The following FAT4 variants were observed in gnomAD, a reference collection of about 807,000 sequenced individuals.
The protein encoded by FAT4 is protocadherin Fat 4.
A neutral mutation model predicts 303.9 loss-of-function variants in FAT4; 84 were observed. The observed-to-expected ratio is 0.28, with a 90% CI of 0.23 to 0.33. The LOEUF (loss-of-function observed/expected upper bound fraction) is 0.33, where lower values mean the gene tolerates loss of function less well. Ranked by LOEUF, FAT4 falls within the 10% of genes least tolerant of loss-of-function variation. The probability of loss-of-function intolerance (pLI) is 1.00; values close to 1 mark genes in which losing one functional copy is unlikely to be tolerated. For missense variants in FAT4, 6,005 were observed against 6,146.8 expected, an observed-to-expected ratio of 0.98 and a Z score of 0.77; for synonymous variants, 2,307 against 2,298.8, an observed-to-expected ratio of 1.00 and a Z score of -0.10.
intron 14 of FAT4, among the ~76,000 whole-genome samples, chr4:125,477,976 T>C (rs1489624291): frequency 1.3e-5 from 2 of 152,144 alleles, no homozygotes; most frequent in Non-Finnish European, 2.9e-5. Flanking sequence ...CAACTACTCT[T>C]AGGTTATTGT....
In FAT4 at chr4:125,415,724, A is replaced by T. The variant is rs1209532626; in HGVS notation, c.6761A>T (p.Asp2254Val). 1 of 1,613,944 alleles carries T rather than the reference A, an allele frequency of 6.2e-7. No homozygotes were observed. Among genetic ancestry groups the T allele is most frequent in the Admixed American group, 1.7e-5 (1 of 59,988 alleles). Residue 2254 changes from aspartate to valine, a missense_variant, in exon 6 of 18, where the codon GAC becomes GTC. By Grantham distance (152) the Asp-to-Val change is radical. Coordinates refer to ENST00000394329, the MANE Select transcript of FAT4 (RefSeq NM_001291303.3). Reference sequence around the variant, plus strand: ...AGCATTGTTCTACTGGATATTAATGACTTTGTTCCTGTATTTGAGCTATCT... The same window carrying T: ...AGCATTGTTCTACTGGATATTAATGTCTTTGTTCCTGTATTTGAGCTATCT... ...TVSIVLLDINDFVPVFELSPY... is the reference protein window; with the variant it reads ...TVSIVLLDINVFVPVFELSPY...
intron 2 of FAT4, among the ~76,000 whole-genome samples, chr4:125,382,592 T>C (rs1733583496): frequency 6.6e-6 from 1 of 152,134 alleles, no homozygotes; most frequent in African/African-American, 2.4e-5. Flanking sequence ...CATACTTCTG[T>C]GGGGCTTCAG....
intron 5 of FAT4, 131 bp from the exon 6 acceptor site, chr4:125,414,753 A>C: frequency 1.6e-6 from 1 of 622,416 alleles, no homozygotes; most frequent in Non-Finnish European, 2.8e-6. Context: ...TCATTTGTTC[A>C]CAGGATTTCC....
At chr4:125,340,697 C>G (rs1731757470) in intron 2 of FAT4, among the ~76,000 whole-genome samples, 1 of 152,278 alleles carries the variant, frequency 6.6e-6, no homozygotes, top group Non-Finnish European at 1.5e-5. Flanking sequence ...TCCAGTTTCA[C>G]TAGTTCTTTG....
At chr4:125,413,604 G>T (rs35327280) in intron 5 of FAT4, among the ~76,000 whole-genome samples, 150,525 of 151,934 alleles carry the variant, frequency 0.99, 74,579 homozygotes, top group East Asian at 1. Flanking sequence ...CAGAATAAGA[G>T]TAAGTGTGGC....
Position 125,487,445 on chromosome 4 carries a change from C to A in FAT4, c.12923C>A (p.Thr4308Asn). 6.2e-7 allele frequency: 1 copy of A among 1,614,068 alleles called. No individual in the cohort carries two copies. Reference sequence around the variant, plus strand: ...TATGTTGCAGACGGCCACTGGCACACTTTTCTAATTGGGAAAAATGGAACA... The same window carrying A: ...TATGTTGCAGACGGCCACTGGCACAATTTTCTAATTGGGAAAAATGGAACA... ...EVYVADGHWH[T>N]FLIGKNGTAT... The change falls in exon 17 of 18, where the codon ACT (threonine) becomes AAT (asparagine). Residue 4308 changes from threonine (T) to asparagine (N), a missense_variant. By Grantham distance (65) the Thr-to-Asn change is moderately conservative. Transcript: ENST00000394329.
chr4:125,450,326 A>G lies in FAT4; in HGVS notation c.9316A>G (p.Ile3106Val), dbSNP rs1726008281. ...TGCAACCATCCCTGAGAGCCATAGC[A>G]TTGGGTCCATTGTCAGAACTGTTTC... ...MSATIPESHS[I>V]GSIVRTVSAR... Residue 3106 changes from isoleucine to valine, a missense_variant, in exon 10 of 18, where the codon ATT (isoleucine) becomes GTT (valine). Physicochemically the swap from Ile to Val is conservative, Grantham distance 29. Transcript: ENST00000394329. 6.2e-7 allele frequency: 1 copy of G among 1,614,118 alleles called. No individual in the cohort carries two copies. Among genetic ancestry groups the G allele is most frequent in the Non-Finnish European group, 8.5e-7 (1 of 1,179,996 alleles).
chr4:125,384,903 A>G (rs1733674011), intron 2 of FAT4, among the ~76,000 whole-genome samples: 1 of 151,330 alleles, frequency 6.6e-6, no homozygotes. Context: ...CAATAAGTAA[A>G]TTTAACACTA....
chr4:125,475,997 A>G (rs1727015592), intron 12 of FAT4, among the ~76,000 whole-genome samples, 174 bp from the exon 13 acceptor site: 1 of 152,166 alleles, frequency 6.6e-6, no homozygotes, highest in Non-Finnish European at 1.5e-5. Context: ...GATATCAAAG[A>G]AACATGTGCC....
intron 2 of FAT4, among the ~76,000 whole-genome samples, chr4:125,377,065 T>A (rs1733354662): frequency 6.6e-6 from 1 of 152,166 alleles, no homozygotes; most frequent in African/African-American, 2.4e-5. Context: ...TTATTTTCTT[T>A]GTGTTTTTCT....
In FAT4 at chr4:125,450,970, A is replaced by T; in HGVS notation, c.9960A>T (p.Gly3320=). ...CAGCTCCTAAAGGTACTATTGTTGG[A>T]GAAGTGTTTGCTAGCGACCGTGATT... ...SEAAPKGTIV[G]EVFASDRDLG... is the part of the protein sequence containing the mutation. Residue 3320 remains glycine (G), a synonymous_variant, in exon 10 of 18, where the codon GGA becomes GGT. Coordinates refer to ENST00000394329, the MANE Select transcript of FAT4 (RefSeq NM_001291303.3). 6.2e-7 allele frequency: 1 copy of T among 1,614,146 alleles called. No individual in the cohort carries two copies. The highest frequency in any genetic ancestry group is 1.7e-5 in the Admixed American group (1 of 60,002).
At chr4:125,456,249 A>T (rs1726272684) in intron 10 of FAT4, among the ~76,000 whole-genome samples, 2 of 152,134 alleles carry the variant, frequency 1.3e-5, no homozygotes, top group African/African-American at 4.8e-5. Flanking sequence ...ACACTGTAGG[A>T]AATTGAGCCT....
chr4:125,429,648 T>C (rs1418195527), intron 7 of FAT4, among the ~76,000 whole-genome samples: 3 of 152,168 alleles, frequency 2.0e-5, no homozygotes, highest in Non-Finnish European at 4.4e-5. Context: ...AAAATATGTA[T>C]AGATCTGGTA....
intron 8 of FAT4, among the ~76,000 whole-genome samples, chr4:125,441,301 A>C (rs964342906): frequency 5.9e-5 from 9 of 152,312 alleles, no homozygotes; most frequent in African/African-American, 2.2e-4. Flanking sequence ...TCCTTCAATG[A>C]TACTAAGTAG....
At chr4:125,416,274 G>C (rs1313312939) in intron 6 of FAT4, among the ~76,000 whole-genome samples, 174 bp from the exon 7 acceptor site, 1 of 152,030 alleles carries the variant, frequency 6.6e-6, no homozygotes, top group Non-Finnish European at 1.5e-5. Context: ...TACACAAATA[G>C]ACTCGGGTGA....
intron 2 of FAT4, among the ~76,000 whole-genome samples, chr4:125,374,101 G>T (rs751579896): frequency 1.3e-5 from 2 of 152,020 alleles, no homozygotes; most frequent in Non-Finnish European, 2.9e-5. Flanking sequence ...TTATTCAAAG[G>T]CATCAGATGA....
chr4:125,325,875 A>G (rs1354827445), intron 2 of FAT4, among the ~76,000 whole-genome samples: 1 of 152,198 alleles, frequency 6.6e-6, no homozygotes, highest in African/African-American at 2.4e-5. Context: ...TTTACCCACC[A>G]TTGCTTTTGC....
rs1302175265 is a variant in FAT4, at chr4:125,321,154, T to C, written c.4743T>C (p.Ser1581=). 6.2e-7 allele frequency: 1 copy of C among 1,614,026 alleles called. No individual in the cohort carries two copies. The highest frequency in any genetic ancestry group is 8.5e-7 in the Non-Finnish European group (1 of 1,179,990). ...ACACCTTCATTGTTGATCGTTATAG[T>C]GGAGACCTGAGAGTGGCTTCAGCGT... The part of the protein sequence containing the change: ...DTDTFIVDRY[S]GDLRVASALV... The change falls in exon 2 of 18, where the codon AGT becomes AGC. Residue 1581 remains serine (S), a synonymous_variant. Coordinates refer to ENST00000394329, the MANE Select transcript of FAT4 (RefSeq NM_001291303.3).
At chr4:125,466,417 T>C (rs1726663785) in intron 11 of FAT4, among the ~76,000 whole-genome samples, 2 of 151,938 alleles carry the variant, frequency 1.3e-5, no homozygotes, top group African/African-American at 4.8e-5. Flanking sequence ...GAGACCTAAG[T>C]GAACACATAA....
Sources: allele counts gnomAD v4.1 joint callset (sites outside exome capture counted in the v4.1 genomes callset), GRCh38; gene constraint gnomAD v4.1.1; transcripts MANE v1.5; gene names NCBI Gene and HGNC (gene_info 2026-07-23, HGNC 2026-07-21).